Variants in PCCA observed in about 807,000 individuals in gnomAD.
PCCA encodes the protein propionyl-CoA carboxylase alpha chain, mitochondrial.
A neutral mutation model predicts 101.3 loss-of-function variants in PCCA; 74 were observed. That is an observed-to-expected ratio of 0.73 (90% CI 0.61 to 0.89). The LOEUF (loss-of-function observed/expected upper bound fraction) is 0.89, where lower values mean the gene tolerates loss of function less well. PCCA is among the 40% of genes least tolerant of loss of function. The probability of loss-of-function intolerance (pLI) is 0.00; values close to 1 mark genes in which losing one functional copy is unlikely to be tolerated. For missense variants in PCCA, 891 were observed against 907.0 expected, an observed-to-expected ratio of 0.98 and a Z score of 0.23; for synonymous variants, 294 against 313.6, an observed-to-expected ratio of 0.94 and a Z score of 0.66.
At chr13:100,428,631 A>G (rs939421050) in intron 20 of PCCA, among the ~76,000 whole-genome samples, 11 of 152,070 alleles carry the variant, frequency 7.2e-5, no homozygotes, top group African/African-American at 2.7e-4. Flanking sequence ...TTAAACTTTA[A>G]TATGCTTCAG....
chr13:100,336,683 A>G lies in PCCA; in HGVS notation c.1541-3474A>G, dbSNP rs968694444. ...AGATTGTGCTCTAGGCTCTGGGAAT[A>G]CAGAGGTAAAACTGTCAAAAAGCCT... On this transcript the variant is annotated intron_variant, in intron 17 of 23. Transcript: ENST00000376285. Among the ~76,000 whole-genome samples the G allele has an allele frequency of 4.6e-5, 7 of 152,176 alleles. No homozygotes were observed. In the South Asian group the frequency reaches 6.2e-4, roughly 14 times the overall value.
At chr13:100,276,305 T>C (rs530565646) in intron 12 of PCCA, among the ~76,000 whole-genome samples, 1 of 152,092 alleles carries the variant, frequency 6.6e-6, no homozygotes, top group South Asian at 2.1e-4. Context: ...TTTCACTGTT[T>C]CTGGTGAGAC....
intron 6 of PCCA, among the ~76,000 whole-genome samples, chr13:100,164,046 A>G (rs148451215): frequency 4.6e-5 from 7 of 152,276 alleles, no homozygotes; most frequent in African/African-American, 1.4e-4. Context: ...TAGTTGTCAT[A>G]TGTATTTCAT....
chr13:100,507,844 G>A (rs1284806127), intron 21 of PCCA, among the ~76,000 whole-genome samples: 1 of 151,082 alleles, frequency 6.6e-6, no homozygotes, highest in African/African-American at 2.5e-5. Flanking sequence ...TTTTAGTAGA[G>A]ACGGGGTTTC....
At chr13:100,355,586 C>G (rs2073881977) in intron 18 of PCCA, among the ~76,000 whole-genome samples, 1 of 152,074 alleles carries the variant, frequency 6.6e-6, no homozygotes, top group South Asian at 2.1e-4. Context: ...ATATACAATA[C>G]TTAAATGTAA....
chr13:100,333,797 C>T (rs2070009632), intron 17 of PCCA, among the ~76,000 whole-genome samples: 1 of 152,148 alleles, frequency 6.6e-6, no homozygotes, highest in African/African-American at 2.4e-5. Context: ...TTTCACTCAA[C>T]ACAAAAAGTA....
At chr13:100,170,631 A>G (rs948281153) in intron 6 of PCCA, among the ~76,000 whole-genome samples, 2 of 152,222 alleles carry the variant, frequency 1.3e-5, no homozygotes, top group South Asian at 4.1e-4. Context: ...GCATGTGTAC[A>G]TGTTCCTAGC....
intron 12 of PCCA, among the ~76,000 whole-genome samples, chr13:100,282,546 G>A (rs1051777995): frequency 6.6e-6 from 1 of 152,180 alleles, no homozygotes; most frequent in Non-Finnish European, 1.5e-5. Flanking sequence ...CAGAGCAGCC[G>A]GGCAATGAGG....
intron 8 of PCCA, among the ~76,000 whole-genome samples, chr13:100,244,929 CTGTGTGTGTGTGTGTG>C (rs3223372): frequency 2.8e-5 from 4 of 141,610 alleles, no homozygotes; most frequent in Non-Finnish European, 3.1e-5. Flanking sequence ...TGAGGAAAGG[CTGTGTGTGTGTGTGTG>C]TGTGTGTGTG....
At chr13:100,320,353 A>G (rs1169231750) in intron 16 of PCCA, among the ~76,000 whole-genome samples, 1 of 152,210 alleles carries the variant, frequency 6.6e-6, no homozygotes, top group African/African-American at 2.4e-5. Context: ...CAGAACTTCC[A>G]ACACTATGTT....
Position 100,173,757 on chromosome 13 carries a change from G to A in PCCA, c.468+16417G>A, listed in dbSNP as rs141890851. 8.2e-4 allele frequency among the ~76,000 whole-genome samples: 125 copies of A among 152,238 alleles called. 1 individual carries two copies. The highest frequency in any genetic ancestry group is 6.6e-3 in the South Asian group (32 of 4,820). ...GAATTGTAGCTCCTCTAATCCCCAC[G>A]TGTTGTGGGAGGAACCTGGTGGAAG... On this transcript the variant is annotated intron_variant, in intron 6 of 23. Transcript: ENST00000376285.
At chr13:100,096,742 G>A (rs2046808696) in intron 1 of PCCA, among the ~76,000 whole-genome samples, 1 of 152,224 alleles carries the variant, frequency 6.6e-6, no homozygotes, top group African/African-American at 2.4e-5. Flanking sequence ...GAAAGCTTTA[G>A]TGGTTTGGAT....
intron 22 of PCCA, among the ~76,000 whole-genome samples, chr13:100,526,845 G>C (rs1162290219): frequency 6.6e-6 from 1 of 152,272 alleles, no homozygotes; most frequent in Non-Finnish European, 1.5e-5. Context: ...CAGCCTGGCT[G>C]CCCCTCAGGA....
At chr13:100,121,742 G>A (rs1393712322) in intron 4 of PCCA, among the ~76,000 whole-genome samples, 1 of 152,160 alleles carries the variant, frequency 6.6e-6, no homozygotes, top group Non-Finnish European at 1.5e-5. Flanking sequence ...CCAAAGTGCT[G>A]GGATTACAGG....
intron 21 of PCCA, among the ~76,000 whole-genome samples, chr13:100,450,104 G>T (rs1012440121): frequency 6.6e-6 from 1 of 151,944 alleles, no homozygotes; most frequent in African/African-American, 2.4e-5. Flanking sequence ...ACCTTATTTG[G>T]CTTGGTGCGG....
chr13:100,143,601 G>A (rs1333204626), intron 4 of PCCA, among the ~76,000 whole-genome samples: 2 of 151,224 alleles, frequency 1.3e-5, no homozygotes, highest in Non-Finnish European at 3.0e-5. Flanking sequence ...GGATGAATAG[G>A]AAGAAATAAA....
chr13:100,355,419 T>C lies in PCCA; in HGVS notation c.1644-13053T>C, dbSNP rs558110156. ...ATGACATGATTTTAGATGTAGAAAA[T>C]CTTGAGGAATTGACAAACAAATCTG... On this transcript the variant is annotated intron_variant, in intron 18 of 23. Coordinates refer to ENST00000376285, the MANE Select transcript of PCCA (RefSeq NM_000282.4). Among the ~76,000 whole-genome samples the C allele has an allele frequency of 3.9e-5, 6 of 151,978 alleles. No homozygotes were observed. In the East Asian group the frequency reaches 7.7e-4, roughly 20 times the overall value.
intron 21 of PCCA, among the ~76,000 whole-genome samples, chr13:100,499,146 T>G (rs1262153899): frequency 3.3e-5 from 5 of 152,236 alleles, no homozygotes; most frequent in Non-Finnish European, 7.3e-5. Context: ...AGGGGTTTGC[T>G]TCCGTGGCTC....
At chr13:100,375,137 T>G (rs139327966) in intron 19 of PCCA, among the ~76,000 whole-genome samples, 11 of 152,324 alleles carry the variant, frequency 7.2e-5, no homozygotes, top group African/African-American at 2.6e-4. Context: ...CAGTAGTCAT[T>G]CAGGAGCAGG....
Sources: allele counts gnomAD v4.1 joint callset (sites outside exome capture counted in the v4.1 genomes callset), GRCh38; gene constraint gnomAD v4.1.1; transcripts MANE v1.5; gene names NCBI Gene and HGNC (gene_info 2026-07-23, HGNC 2026-07-21).